The following TBC1D8B variants were observed in gnomAD, a reference collection of about 807,000 sequenced individuals.
TBC1D8B encodes RP11-321G1.1.
In TBC1D8B, 75 loss-of-function variants were observed where a neutral mutation model predicts 82.9. That is an observed-to-expected ratio of 0.90 (90% confidence interval 0.75 to 1.10). TBC1D8B has a LOEUF of 1.10. Among genes scored for constraint, TBC1D8B ranks in the 50% least tolerant of loss-of-function variants. TBC1D8B has a pLI of 0.00. For synonymous variants in TBC1D8B, 276 were observed against 276.8 expected (o/e 1.00, Z 0.03); for missense variants, 794 against 796.9 (o/e 1.00, Z 0.04).
chrX:106,866,691 A>T, intron 16 of TBC1D8B, 106 bp from the exon 17 acceptor site: 1 of 547,318 alleles, frequency 1.8e-6, no homozygotes. Flanking sequence ...AGGTTTCTAA[A>T]TCCTAATTTT....
intron 11 of TBC1D8B, chrX:106,849,576 T>C (rs1932544109): frequency 5.3e-5 from 48 of 911,674 alleles, no homozygotes; most frequent in Non-Finnish European, 4.7e-5. Context: ...TCTGAAAGTG[T>C]GACTCTCATG....
chrX:106,845,804 T>C (rs1402640425), intron 10 of TBC1D8B, among the ~76,000 whole-genome samples: 2 of 111,131 alleles, frequency 1.8e-5, no homozygotes, highest in Non-Finnish European at 3.8e-5. Context: ...CCAACTGCTA[T>C]CCACTGCCTT....
At position 106,802,873 on chromosome X, in the gene TBC1D8B, A is replaced by G; in HGVS notation, c.20A>G (p.Glu7Gly). 5.0e-6 allele frequency: 6 copies of G among 1,210,865 alleles called. No individual in the cohort carries two copies. The highest frequency in any genetic ancestry group is 6.7e-6 in the Non-Finnish European group (6 of 895,158). ...TTCGCGATGTGGCTGAAGCCTGAGG[A>G]AGTGCTTCTGAAAAATGCGCTGAAG... MWLKPE[E>G]VLLKNALKLW... Residue 7 changes from glutamate to glycine, a missense_variant, in exon 1 of 21, where the codon GAA (glutamate) becomes GGA (glycine). Glu to Gly is a moderately conservative substitution (Grantham distance 98). Coordinates refer to ENST00000357242, the MANE Select transcript of TBC1D8B (RefSeq NM_017752.3).
intron 1 of TBC1D8B, among the ~76,000 whole-genome samples, chrX:106,806,122 C>T (rs1220078456): frequency 1.8e-5 from 2 of 111,872 alleles, no homozygotes; most frequent in Non-Finnish European, 3.8e-5. Context: ...CAACAGAGAA[C>T]TCAAGGATTA....
chrX:106,859,406 A>G (rs975155731), intron 14 of TBC1D8B, among the ~76,000 whole-genome samples: 4 of 111,172 alleles, frequency 3.6e-5, no homozygotes, highest in African/African-American at 1.3e-4. Flanking sequence ...TGTAATCCCC[A>G]TTGTAGAGAC....
At chrX:106,832,495 G>A (rs1277562412) in intron 7 of TBC1D8B, among the ~76,000 whole-genome samples, 5 of 110,713 alleles carry the variant, frequency 4.5e-5, no homozygotes. Flanking sequence ...GCCCTCTTAG[G>A]TTAGTTTTAA....
intron 9 of TBC1D8B, among the ~76,000 whole-genome samples, 168 bp from the exon 10 acceptor site, chrX:106,840,502 A>G (rs1034549004): frequency 6.3e-5 from 7 of 111,952 alleles, no homozygotes; most frequent in Admixed American, 5.7e-4. Flanking sequence ...TGGATAAATT[A>G]GTAGCTTGAC....
chrX:106,817,603 G>A (rs1440964590), intron 1 of TBC1D8B, among the ~76,000 whole-genome samples: 1 of 111,544 alleles, frequency 9.0e-6, no homozygotes, highest in Non-Finnish European at 1.9e-5. Context: ...CCATCCCCAA[G>A]ATATCTCAGT....
chrX:106,820,909 G>A lies in TBC1D8B; in HGVS notation c.274G>A (p.Asp92Asn). 1 of 1,188,894 alleles carries A rather than the reference G, an allele frequency of 8.4e-7. No homozygotes were observed. Among genetic ancestry groups the A allele is most frequent in the Non-Finnish European group, 1.1e-6 (1 of 884,729 alleles). The change falls in exon 3 of 21, where the codon GAT becomes AAT. Residue 92 changes from aspartate (D) to asparagine (N), a missense_variant. Asp to Asn is a conservative substitution (Grantham distance 23). Transcript: ENST00000357242. ...ANREEITKHW[D>N]WLEQNIMKTL... The stretch of plus-strand genomic sequence containing the variant: ...CAGAGAAGAAATAACCAAGCATTGG[G>A]ATTGGTTGGAACAAAATATTATGAA...
chrX:106,822,297 T>C lies in TBC1D8B; in HGVS notation c.586+95T>C, dbSNP rs895441859. 11 of 694,328 alleles carry C rather than the reference T, an allele frequency of 1.6e-5. No homozygotes were observed. In the Admixed American group the frequency reaches 4.1e-4, roughly 26 times the overall value. The allele number at this position is 694,328 out of a possible 1,213,427, so 57.2% of individuals were successfully genotyped here. A position where few individuals can be genotyped will look rare whatever the true frequency, so the allele number is the denominator to read the frequency against. Reference sequence around the variant, plus strand: ...GTTGTAAATAAAATAATAGGATTGATATTAAAGGTAATTAAACTGTACAAT... The same window carrying C: ...GTTGTAAATAAAATAATAGGATTGACATTAAAGGTAATTAAACTGTACAAT... On this transcript the variant is annotated intron_variant, in intron 4 of 20. Transcript: ENST00000357242.
intron 12 of TBC1D8B, among the ~76,000 whole-genome samples, chrX:106,852,385 A>T (rs1433658202): frequency 4.8e-5 from 5 of 104,339 alleles, no homozygotes; most frequent in African/African-American, 1.7e-4. Context: ...CTCTGATGGT[A>T]GTTTCTTTTG....
At chrX:106,823,487 A>G in intron 5 of TBC1D8B, 21 bp downstream of exon 5, 1 of 1,191,379 alleles carries the variant, frequency 8.4e-7, no homozygotes, top group Non-Finnish European at 1.1e-6. Context: ...CTTAATTTTT[A>G]GTTTTCAAAG....
chrX:106,821,806 A>G (rs1035798707), intron 3 of TBC1D8B, among the ~76,000 whole-genome samples, 171 bp from the exon 4 acceptor site: 3 of 111,723 alleles, frequency 2.7e-5, no homozygotes, highest in Non-Finnish European at 5.7e-5. Flanking sequence ...GGAACTTTGT[A>G]GAATTTTTTT....
chrX:106,865,066 CCTT>C (rs758428791), intron 14 of TBC1D8B, among the ~76,000 whole-genome samples: 7 of 111,003 alleles, frequency 6.3e-5, no homozygotes, highest in East Asian at 2.8e-4. Flanking sequence ...TATCATTAGT[CCTT>C]CTTCTTCATG....
chrX:106,820,594 A>G (rs1219014143), intron 2 of TBC1D8B, among the ~76,000 whole-genome samples: 2 of 111,554 alleles, frequency 1.8e-5, no homozygotes, highest in African/African-American at 6.5e-5. Context: ...TTTAGGCACC[A>G]GTTACTAGCA....
chrX:106,833,350 G>C (rs759006413), intron 7 of TBC1D8B, among the ~76,000 whole-genome samples: 53 of 111,577 alleles, frequency 4.8e-4, no homozygotes, highest in African/African-American at 1.5e-3. Context: ...GGCACTAAAA[G>C]TCTGATGAGT....
intron 14 of TBC1D8B, among the ~76,000 whole-genome samples, chrX:106,858,991 T>C (rs1465624240): frequency 2.7e-5 from 3 of 112,065 alleles, no homozygotes; most frequent in Non-Finnish European, 5.6e-5. Context: ...CTTGTTATTG[T>C]TGACTTTGTT....
intron 6 of TBC1D8B, 89 bp from the exon 7 acceptor site, chrX:106,827,081 G>A (rs758951060): frequency 1.9e-6 from 2 of 1,055,183 alleles, no homozygotes; most frequent in African/African-American, 1.9e-5. Context: ...AAAACTTTTG[G>A]CCACAAAAGA....
chrX:106,853,759 A>C, intron 13 of TBC1D8B, 109 bp downstream of exon 13: 1 of 818,638 alleles, frequency 1.2e-6, no homozygotes, highest in Non-Finnish European at 1.7e-6. Flanking sequence ...AAGTAGACAT[A>C]CAACTTAAAA....
Sources: gnomAD v4.1 joint callset for allele counts (sites outside exome capture counted in the v4.1 genomes callset) on GRCh38, gnomAD v4.1.1 for gene constraint, MANE v1.5 for transcripts, NCBI Gene and HGNC (gene_info 2026-07-23, HGNC 2026-07-21) for gene names.